The following H3-3A variants were observed in gnomAD, a reference collection of about 807,000 sequenced individuals.
H3-3A encodes histone H3.3.
For missense variants in H3-3A, 7 were observed against 184.0 expected (o/e 0.04, Z 5.57); for synonymous variants, 49 against 61.4 (o/e 0.80, Z 0.95).
chr1:226,064,136 C>T (rs1432507121), intron 1 of H3-3A, 193 bp from the exon 2 acceptor site: 1 of 460,156 alleles, frequency 2.2e-6, no homozygotes, highest in Non-Finnish European at 4.0e-6. Context: ...TAACAATTTT[C>T]TAGTACTCTA....
chr1:226,071,326 A>T, intron 3 of H3-3A, 25 bp from the exon 4 acceptor site: 5 of 1,597,450 alleles, frequency 3.1e-6, no homozygotes, highest in Non-Finnish European at 4.3e-6. Context: ...CATCATCAGT[A>T]ATTTTTTCTT....
At chr1:226,065,599 T>C in intron 2 of H3-3A, 57 bp from the exon 3 acceptor site, 1 of 1,324,594 alleles carries the variant, frequency 7.5e-7, no homozygotes, top group Non-Finnish European at 1.0e-6. Flanking sequence ...AGCTGCCCAC[T>C]TACCTTTTTG....
At chr1:226,062,280 G>T (rs1027572596), upstream of H3-3A, among the ~76,000 whole-genome samples, 21 of 149,440 alleles carry the variant, frequency 1.4e-4, no homozygotes, top group Non-Finnish European at 2.2e-4. Context: ...GCCGCGGCCC[G>T]AGACGCCCGC....
At chr1:226,069,970 CAAGTT>C (rs1658052155) in intron 3 of H3-3A, among the ~76,000 whole-genome samples, 1 of 152,086 alleles carries the variant, frequency 6.6e-6, no homozygotes. Context: ...TTCCTCTTCA[CAAGTT>C]AAGTGTCAAT....
chr1:226,064,139 G>C (rs954965562), intron 1 of H3-3A, 190 bp from the exon 2 acceptor site: 6 of 468,528 alleles, frequency 1.3e-5, no homozygotes. Flanking sequence ...CAATTTTCTA[G>C]TACTCTAGTT....
rs753149434 is a variant in H3-3A, at chr1:226,065,822, G to A, written c.282+13G>A. The stretch of plus-strand genomic sequence containing the variant: ...CGGTGCTTTGCAGGTAAAATGGTGG[G>A]TGGGAAGACTCAGAGTTTGTATTCC... On this transcript the variant is annotated intron_variant, in intron 3 of 3. Coordinates refer to ENST00000366815, the MANE Select transcript of H3-3A (RefSeq NM_002107.7). 2.5e-6 allele frequency: 4 copies of A among 1,578,374 alleles called. No individual in the cohort carries two copies. Among genetic ancestry groups the A allele is most frequent in the East Asian group, 2.3e-5 (1 of 43,518 alleles).
chr1:226,068,423 T>C (rs1165142191), intron 3 of H3-3A, among the ~76,000 whole-genome samples: 3 of 152,226 alleles, frequency 2.0e-5, no homozygotes, highest in Non-Finnish European at 4.4e-5. Flanking sequence ...TAGTAGCTTG[T>C]ACCACATTTT....
chr1:226,065,665 T>C lies in H3-3A; in HGVS notation c.138T>C (p.Thr46=), dbSNP rs1449208743. 5 of 1,601,138 alleles carry C rather than the reference T, an allele frequency of 3.1e-6. No individual in the cohort carries two copies. The highest frequency in any genetic ancestry group is 3.4e-6 in the Non-Finnish European group (4 of 1,171,282). Residue 46 remains threonine (T), a synonymous_variant, in exon 3 of 4, where the codon ACT becomes ACC. Transcript: ENST00000366815. ...VKKPHRYRPG[T]VALREIRRYQ... ...TATTAATTTTTTAAAGGCCTGGTACTGTGGCGCTCCGTGAAATTAGACGTT... is the reference window on the plus strand; with the variant it reads ...TATTAATTTTTTAAAGGCCTGGTACCGTGGCGCTCCGTGAAATTAGACGTT...
At chr1:226,062,500 A>G (rs1657746170), upstream of H3-3A, among the ~76,000 whole-genome samples, 1 of 145,824 alleles carries the variant, frequency 6.9e-6, no homozygotes, top group Non-Finnish European at 1.5e-5. Context: ...GTTTGTACAC[A>G]CACGGCGCGA....
At chr1:226,064,871 G>C (rs1230664503) in intron 2 of H3-3A, among the ~76,000 whole-genome samples, 3 of 152,114 alleles carry the variant, frequency 2.0e-5, no homozygotes, top group Non-Finnish European at 4.4e-5. Flanking sequence ...AATCGAGATT[G>C]GGTGTTTTAT....
intron 2 of H3-3A, among the ~76,000 whole-genome samples, chr1:226,065,076 T>C (rs960667735): frequency 6.6e-6 from 1 of 152,184 alleles, no homozygotes; most frequent in Non-Finnish European, 1.5e-5. Context: ...TAAGTCAGAA[T>C]GAGAGGTAAA....
chr1:226,063,685 C>A (rs1657818303), intron 1 of H3-3A, among the ~76,000 whole-genome samples: 1 of 152,002 alleles, frequency 6.6e-6, no homozygotes, highest in South Asian at 2.1e-4. Flanking sequence ...GGATGTCGTG[C>A]GTTAATTAAA....
Position 226,069,116 on chromosome 1 carries a change from G to A in H3-3A, c.283-2235G>A, listed in dbSNP as rs559875857. On this transcript the variant is annotated intron_variant, in intron 3 of 3. Transcript: ENST00000366815. The stretch of plus-strand genomic sequence containing the variant: ...GGCTGGAGTGCAGTGGTGCAATCTC[G>A]GCTTACTGCAGCCTCCGCCTCCCGG... Among the ~76,000 whole-genome samples the A allele has an allele frequency of 1.4e-4, 21 of 150,788 alleles. No individual in the cohort carries two copies. In the East Asian group the frequency reaches 2.9e-3, roughly 21 times the overall value.
intron 1 of H3-3A, among the ~76,000 whole-genome samples, chr1:226,063,504 C>T (rs544200714): frequency 2.6e-5 from 4 of 152,116 alleles, no homozygotes; most frequent in African/African-American, 7.2e-5. Context: ...CTCTTTGGAA[C>T]GGAATCGGAT....
rs1657849161 is a variant in H3-3A at position 226,064,331 on chromosome 1, A to T, written c.-21A>T. 6.2e-7 allele frequency: 1 copy of T among 1,604,724 alleles called. No individual in the cohort carries two copies. Among genetic ancestry groups the T allele is most frequent in the African/African-American group, 1.3e-5 (1 of 74,704 alleles). On this transcript the variant is annotated splice_region_variant and 5_prime_UTR_variant, in exon 2 of 4. Coordinates refer to ENST00000366815, the MANE Select transcript of H3-3A (RefSeq NM_002107.7). ...TTTTGATTTTTCAATGCTGGTAGGT[A>T]AGTAAGGAGGTCTCTGTACCATGGC...
intron 3 of H3-3A, 31 bp downstream of exon 3, chr1:226,065,840 T>C: frequency 6.6e-7 from 1 of 1,518,616 alleles, no homozygotes. Context: ...ACTCAGAGTT[T>C]GTATTCCTGT....
chr1:226,071,558 G>A lies in H3-3A; in HGVS notation c.*79G>A, dbSNP rs1658130075. 4.8e-6 allele frequency: 3 copies of A among 619,714 alleles called. No individual in the cohort carries two copies. The highest frequency in any genetic ancestry group is 8.0e-6 in the Non-Finnish European group (3 of 372,974). The allele number at this position is 619,714 out of a possible 1,614,324, so 38.4% of individuals were successfully genotyped here. A position where few individuals can be genotyped will look rare whatever the true frequency, so the allele number is the denominator to read the frequency against. ...TCTTCTTCCTGTTATTGGTAGTTCTGAACGTTAGATATTTTTTTTCCATGG... is the reference window on the plus strand; with the variant it reads ...TCTTCTTCCTGTTATTGGTAGTTCTAAACGTTAGATATTTTTTTTCCATGG... On this transcript the variant is annotated 3_prime_UTR_variant, in exon 4 of 4. Transcript: ENST00000366815.
At chr1:226,070,621 A>G (rs1658082509) in intron 3 of H3-3A, among the ~76,000 whole-genome samples, 1 of 151,586 alleles carries the variant, frequency 6.6e-6, no homozygotes, top group South Asian at 2.1e-4. Flanking sequence ...AAAATACAAA[A>G]AAGTAGCCAG....
chr1:226,070,728 G>A (rs902412622), intron 3 of H3-3A, among the ~76,000 whole-genome samples: 1 of 151,068 alleles, frequency 6.6e-6, no homozygotes, highest in African/African-American at 2.4e-5. Context: ...AGCCGAGATC[G>A]CGCTACTGCA....
Sources: gnomAD v4.1 joint callset for allele counts (sites outside exome capture counted in the v4.1 genomes callset) on GRCh38, gnomAD v4.1.1 for gene constraint, MANE v1.5 for transcripts, NCBI Gene and HGNC (gene_info 2026-07-23, HGNC 2026-07-21) for gene names.